ASCC3: variants seen among roughly 807,000 people sequenced by gnomAD.
The protein encoded by ASCC3 is activating signal cointegrator 1 complex subunit 3.
Under a neutral mutation model 256.3 loss-of-function variants are expected in ASCC3, and 158 were observed. The observed-to-expected ratio is 0.62, with a 90% CI of 0.54 to 0.70. The LOEUF is 0.70. Ranked by LOEUF, ASCC3 falls within the 30% of genes least tolerant of loss-of-function variation. The pLI, the probability that ASCC3 is intolerant of heterozygous loss-of-function variation, is 0.00. For synonymous variants in ASCC3, 948 were observed against 883.4 expected, an observed-to-expected ratio of 1.07 and a Z score of -1.30; for missense variants, 2,259 against 2,626.0, an observed-to-expected ratio of 0.86 and a Z score of 3.05.
At chr6:100,649,737 T>C (rs1477850899) in intron 20 of ASCC3, among the ~76,000 whole-genome samples, 1 of 151,520 alleles carries the variant, frequency 6.6e-6, no homozygotes, top group Non-Finnish European at 1.5e-5. Context: ...TAAAATAAAA[T>C]TAAGCTTTAA....
chr6:100,851,450 G>T (rs1159078107), intron 3 of ASCC3, among the ~76,000 whole-genome samples: 1 of 152,066 alleles, frequency 6.6e-6, no homozygotes, highest in African/African-American at 2.4e-5. Context: ...TATATATCTT[G>T]CCTTTAAAAA....
intron 8 of ASCC3, among the ~76,000 whole-genome samples, chr6:100,788,955 A>C (rs1245162467): frequency 6.6e-6 from 1 of 151,956 alleles, no homozygotes; most frequent in Non-Finnish European, 1.5e-5. Flanking sequence ...GTTCATGTTG[A>C]TATTTACAAA....
Position 100,764,791 on chromosome 6 carries a change from T to C in ASCC3, c.1737+1774A>G, listed in dbSNP as rs554172778. On this transcript the variant is annotated intron_variant, in intron 10 of 41. Coordinates refer to ENST00000369162, the MANE Select transcript of ASCC3 (RefSeq NM_006828.4). The stretch of plus-strand genomic sequence containing the variant: ...CAAAGGCCTCACCTCCAACTACAAT[T>C]ACTTGTGGACTAGGGCTTCAACATA... Among the ~76,000 whole-genome samples, 3 of 152,264 alleles carry C rather than the reference T, an allele frequency of 2.0e-5. No individual in the cohort carries two copies. In the South Asian group the frequency reaches 6.2e-4, roughly 32 times the overall value.
intron 13 of ASCC3, among the ~76,000 whole-genome samples, chr6:100,699,143 A>C (rs1778226459): frequency 6.6e-6 from 1 of 152,168 alleles, no homozygotes; most frequent in Non-Finnish European, 1.5e-5. Context: ...CAACGAAATA[A>C]TGCATCATAT....
At chr6:100,854,536 T>C (rs1444461185) in intron 3 of ASCC3, among the ~76,000 whole-genome samples, 2 of 152,108 alleles carry the variant, frequency 1.3e-5, no homozygotes, top group African/African-American at 4.8e-5. Flanking sequence ...AGATATTTGT[T>C]AGAAAAAAAT....
intron 14 of ASCC3, among the ~76,000 whole-genome samples, chr6:100,675,754 T>C (rs1776975078): frequency 6.6e-6 from 1 of 152,176 alleles, no homozygotes; most frequent in South Asian, 2.1e-4. Flanking sequence ...CACTGATATA[T>C]GTAAAAATAC....
In ASCC3 at chr6:100,820,186, G is replaced by A. The variant is rs147840593; in HGVS notation, c.802-14306C>T. Among the ~76,000 whole-genome samples, 48 of 152,246 alleles carry A rather than the reference G, an allele frequency of 3.2e-4. 1 individual carries two copies. In the East Asian group the frequency reaches 9.1e-3, roughly 29 times the overall value. On this transcript the variant is annotated intron_variant, in intron 4 of 41. Coordinates refer to ENST00000369162, the MANE Select transcript of ASCC3 (RefSeq NM_006828.4). The stretch of plus-strand genomic sequence containing the variant: ...ATGGAATAGCAGAAAACTCAGAATA[G>A]TCAAAATAAACTTGAAGAGAACAAA...
rs775946198 is a variant in ASCC3, at chr6:100,679,750, C to T, written c.2154G>A (p.Val718=). The T allele has an allele frequency of 2.2e-5, 35 of 1,613,152 alleles. No individual in the cohort carries two copies. The highest frequency in any genetic ancestry group is 2.9e-5 in the Non-Finnish European group (34 of 1,179,588). ...VLKQVKAGHQ[V]MVFVHARNAT... is the part of the protein sequence containing the mutation. ...CATTTCGAGCATGTACAAACACCAT[C>T]ACCTGAAAAAAAGGAAAGCAGTTTA... Residue 718 remains valine, a splice_region_variant and synonymous_variant, in exon 14 of 42, where the codon GTG becomes GTA. Transcript: ENST00000369162.
At position 100,642,701 on chromosome 6, in the gene ASCC3, CA is replaced by C; in HGVS notation, c.3780del (p.Phe1260LeufsTer31). 6.2e-7 allele frequency: 1 copy of C among 1,613,754 alleles called. No homozygotes were observed. Among genetic ancestry groups the C allele is most frequent in the Non-Finnish European group, 8.5e-7 (1 of 1,179,820 alleles). Reference protein sequence around the residue: ...AQLLVFTIPIFEPLPSQYYIR... With the variant: ...AQLLVFTIPIXEPLPSQYYIR... Reference sequence around the variant, plus strand: ...ATGTAGTATTGGGAAGGCAAAGGCTCAAAAATAGGGATTGTAAATACCAGTA... The same window carrying C: ...ATGTAGTATTGGGAAGGCAAAGGCTCAAAATAGGGATTGTAAATACCAGTA... On this transcript the variant is annotated frameshift_variant, in exon 24 of 42. Coordinates refer to ENST00000369162, the MANE Select transcript of ASCC3 (RefSeq NM_006828.4). LOFTEE classifies it high-confidence loss of function.
intron 34 of ASCC3, among the ~76,000 whole-genome samples, chr6:100,600,801 G>A (rs1772570403): frequency 6.6e-6 from 1 of 151,900 alleles, no homozygotes. Context: ...TGCTGTAATG[G>A]TCTTTCCATC....
intron 12 of ASCC3, among the ~76,000 whole-genome samples, chr6:100,716,848 G>C (rs1779109876): frequency 6.6e-6 from 1 of 151,914 alleles, no homozygotes; most frequent in Non-Finnish European, 1.5e-5. Context: ...ACAAGCATGT[G>C]AAACAACTGT....
In ASCC3 at chr6:100,659,256, T is replaced by A. The variant is rs141230264; in HGVS notation, c.2703+2550A>T. Reference sequence around the variant, plus strand: ...GGGAATTTAAAGACTTAAAAATTCATTACCTAAAGAACACAGCACATATTC... The same window carrying A: ...GGGAATTTAAAGACTTAAAAATTCAATACCTAAAGAACACAGCACATATTC... On this transcript the variant is annotated intron_variant, in intron 16 of 41. Coordinates refer to ENST00000369162, the MANE Select transcript of ASCC3 (RefSeq NM_006828.4). Among the ~76,000 whole-genome samples the A allele has an allele frequency of 1.5e-3, 232 of 151,604 alleles. 3 individuals are homozygous for A. The highest frequency in any genetic ancestry group is 0.014 in the Admixed American group (217 of 15,166).
At chr6:100,697,924 A>G (rs1199873961) in intron 13 of ASCC3, among the ~76,000 whole-genome samples, 1 of 152,154 alleles carries the variant, frequency 6.6e-6, no homozygotes, top group African/African-American at 2.4e-5. Context: ...AGGCAGATCT[A>G]AGCTTAGTTT....
At chr6:100,578,671 C>T (rs755655415) in intron 36 of ASCC3, among the ~76,000 whole-genome samples, 4 of 151,840 alleles carry the variant, frequency 2.6e-5, no homozygotes, top group African/African-American at 7.3e-5. Flanking sequence ...CTACTGTTGA[C>T]GGGCATTTAG....
At chr6:100,786,613 A>G (rs182006081) in intron 8 of ASCC3, among the ~76,000 whole-genome samples, 63 of 152,306 alleles carry the variant, frequency 4.1e-4, no homozygotes, top group Non-Finnish European at 7.2e-4. Flanking sequence ...TTATTACCAT[A>G]AATATCAGCC....
At chr6:100,788,081 C>T (rs7756451) in intron 8 of ASCC3, among the ~76,000 whole-genome samples, 2,209 of 151,486 alleles carry the variant, frequency 0.015, 47 homozygotes, top group African/African-American at 0.051. Context: ...TATCTGAAAA[C>T]GGACTGTATT....
At chr6:100,833,948 C>T (rs557350476) in intron 4 of ASCC3, among the ~76,000 whole-genome samples, 39 of 152,136 alleles carry the variant, frequency 2.6e-4, no homozygotes, top group African/African-American at 8.9e-4. Flanking sequence ...CGTGGTGGTG[C>T]GTGCCTGTAA....
intron 10 of ASCC3, among the ~76,000 whole-genome samples, chr6:100,729,540 T>C (rs1387439674): frequency 2.6e-5 from 4 of 152,284 alleles, no homozygotes; most frequent in Admixed American, 1.3e-4. Flanking sequence ...TTTTTTACTA[T>C]TGAGAATATA....
chr6:100,773,101 C>T (rs1402780374), intron 8 of ASCC3, among the ~76,000 whole-genome samples: 2 of 152,002 alleles, frequency 1.3e-5, no homozygotes. Flanking sequence ...TGTTTAAGTT[C>T]ACACAACTAT....
Sources: gnomAD v4.1 joint callset for allele counts (sites outside exome capture counted in the v4.1 genomes callset) on GRCh38, gnomAD v4.1.1 for gene constraint, MANE v1.5 for transcripts, NCBI Gene and HGNC (gene_info 2026-07-23, HGNC 2026-07-21) for gene names.